DMD: variants seen among roughly 807,000 people sequenced by gnomAD.
DMD encodes the protein mutant dystrophin.
A neutral mutation model predicts 330.1 loss-of-function variants in DMD; 63 were observed. The observed-to-expected ratio is 0.19, with a 90% CI of 0.16 to 0.24. DMD has a LOEUF of 0.24. Ranked by LOEUF, DMD falls within the 10% of genes least tolerant of loss-of-function variation. The probability of loss-of-function intolerance (pLI) is 1.00; values close to 1 mark genes in which losing one functional copy is unlikely to be tolerated. For synonymous variants in DMD, 1,223 were observed against 959.8 expected (o/e 1.27, Z -5.07); for missense variants, 3,344 against 2,684.1 (o/e 1.25, Z -5.43).
chrX:32,979,058 C>A (rs1244073964), intron 2 of DMD, among the ~76,000 whole-genome samples: 1 of 112,161 alleles, frequency 8.9e-6, no homozygotes, highest in Non-Finnish European at 1.9e-5. Flanking sequence ...TTTACAAGTT[C>A]TTAGGGATCA....
chrX:32,659,224 A>G (rs1208582547), intron 9 of DMD, among the ~76,000 whole-genome samples: 1 of 112,106 alleles, frequency 8.9e-6, no homozygotes, highest in African/African-American at 3.2e-5. Flanking sequence ...CCTCCTTAAC[A>G]TACACCAGTT....
At chrX:32,302,826 A>G (rs1569556563) in intron 42 of DMD, among the ~76,000 whole-genome samples, 1 of 111,181 alleles carries the variant, frequency 9.0e-6, no homozygotes. Context: ...ACAGTTGAGT[A>G]GGCAGGGGCA....
intron 49 of DMD, among the ~76,000 whole-genome samples, chrX:31,835,046 C>T (rs948826971): frequency 8.9e-6 from 1 of 112,167 alleles, no homozygotes; most frequent in African/African-American, 3.2e-5. Context: ...GATCCCAGTT[C>T]TGATCTCCAA....
At chrX:32,068,540 T>A (rs1382154060) in intron 44 of DMD, among the ~76,000 whole-genome samples, 1 of 110,723 alleles carries the variant, frequency 9.0e-6, no homozygotes, top group Non-Finnish European at 1.9e-5. Context: ...TATTTTTTTG[T>A]TGACTTTGTC....
At chrX:33,172,251 TCA>T (rs201706916) in intron 1 of DMD, among the ~76,000 whole-genome samples, 1,602 of 111,612 alleles carry the variant, frequency 0.014, 24 homozygotes, top group African/African-American at 0.05. Context: ...TCCTTTGAAT[TCA>T]CAGTTTCCAT....
chrX:32,121,665 GTAT>G (rs2096636811), intron 44 of DMD, among the ~76,000 whole-genome samples: 1 of 43,601 alleles, frequency 2.3e-5, no homozygotes, highest in Admixed American at 3.0e-4. Flanking sequence ...ATATATATAT[GTAT>G]TCGGTTTTAT....
At chrX:33,059,115 G>C (rs1315500099) in intron 1 of DMD, among the ~76,000 whole-genome samples, 1 of 111,264 alleles carries the variant, frequency 9.0e-6, no homozygotes, top group Non-Finnish European at 1.9e-5. Context: ...CTTAGTGCTT[G>C]TTCGGTCCTA....
intron 62 of DMD, among the ~76,000 whole-genome samples, chrX:31,265,730 G>A (rs1425365765): frequency 1.1e-5 from 1 of 88,774 alleles, no homozygotes; most frequent in African/African-American, 4.3e-5. Context: ...AGAGGGGCTT[G>A]AGTAAAAGGC....
At chrX:31,396,140 T>TTC (rs1556617557) in intron 60 of DMD, among the ~76,000 whole-genome samples, 1 of 100,580 alleles carries the variant, frequency 9.9e-6, no homozygotes, top group Non-Finnish European at 2.0e-5. Flanking sequence ...GATGACAATT[T>TTC]TTTTTTTTTT....
At chrX:32,886,770 GAAC>G (rs2084632947) in intron 2 of DMD, among the ~76,000 whole-genome samples, 1 of 111,786 alleles carries the variant, frequency 8.9e-6, no homozygotes, top group Non-Finnish European at 1.9e-5. Flanking sequence ...GGGTTATTTA[GAAC>G]AACAAAAATA....
intron 2 of DMD, among the ~76,000 whole-genome samples, chrX:32,978,502 C>G (rs779442669): frequency 3.6e-5 from 4 of 112,132 alleles, no homozygotes; most frequent in Non-Finnish European, 7.5e-5. Flanking sequence ...CAGGGTCTCA[C>G]TCTCTCACCC....
At chrX:31,187,717 C>CAGAGAGAGAG (rs55674554) in intron 67 of DMD, among the ~76,000 whole-genome samples, 6 of 66,865 alleles carry the variant, frequency 9.0e-5, no homozygotes, top group South Asian at 1.1e-3. Context: ...CCCAGATTCT[C>CAGAGAGAGAG]AGAGAGAGAG....
chrX:33,317,036 T>C (rs764703649), intron 1 of DMD, among the ~76,000 whole-genome samples: 3 of 111,237 alleles, frequency 2.7e-5, no homozygotes, highest in African/African-American at 9.7e-5. Flanking sequence ...TAAAAAGAAA[T>C]TTTAAGAATA....
At chrX:32,015,719 A>G (rs1421792372) in intron 44 of DMD, among the ~76,000 whole-genome samples, 1 of 112,025 alleles carries the variant, frequency 8.9e-6, no homozygotes, top group Non-Finnish European at 1.9e-5. Context: ...TTAGAGAAAC[A>G]AGTACATAAG....
At chrX:32,559,908 T>A (rs759143768) in intron 16 of DMD, among the ~76,000 whole-genome samples, 1 of 111,367 alleles carries the variant, frequency 9.0e-6, no homozygotes, top group African/African-American at 3.3e-5. Context: ...ATTTTCTCTT[T>A]TTGGGCATCC....
intron 41 of DMD, among the ~76,000 whole-genome samples, chrX:32,324,661 A>G: frequency 8.9e-6 from 1 of 111,768 alleles, no homozygotes; most frequent in Admixed American, 9.5e-5. Context: ...AAATTACTAG[A>G]AATAAAAGGA....
chrX:33,290,364 G>A (rs959280565), intron 1 of DMD, among the ~76,000 whole-genome samples: 2 of 111,173 alleles, frequency 1.8e-5, no homozygotes, highest in Admixed American at 9.6e-5. Flanking sequence ...CTCACAATGA[G>A]CTTTAAAAAG....
intron 44 of DMD, among the ~76,000 whole-genome samples, chrX:32,118,699 C>T (rs1258910189): frequency 9.1e-6 from 1 of 109,596 alleles, no homozygotes; most frequent in East Asian, 2.9e-4. Flanking sequence ...AACCATCGCC[C>T]TATAGCAGCA....
intron 1 of DMD, among the ~76,000 whole-genome samples, chrX:33,191,203 A>T (rs1455761664): frequency 9.6e-6 from 1 of 103,847 alleles, no homozygotes; most frequent in Non-Finnish European, 2.0e-5. Flanking sequence ...TATCTGGGAT[A>T]TAACTGCAAC....
Sources: allele counts gnomAD v4.1 joint callset (sites outside exome capture counted in the v4.1 genomes callset), GRCh38; gene constraint gnomAD v4.1.1; transcripts MANE v1.5; gene names NCBI Gene and HGNC (gene_info 2026-07-23, HGNC 2026-07-21).